The following VSTM4 variants were observed in gnomAD, a reference collection of about 807,000 sequenced individuals.
VSTM4 encodes the protein V-set and transmembrane domain containing 4.
VSTM4 carries 20 observed loss-of-function variants against 36.4 expected under a neutral mutation model. The observed-to-expected ratio is 0.55, with a 90% confidence interval of 0.39 to 0.80. The LOEUF is 0.80. Ranked by LOEUF, VSTM4 falls within the 30% of genes least tolerant of loss-of-function variation. VSTM4 has a pLI of 0.00. For synonymous variants in VSTM4, 182 were observed against 173.9 expected (o/e 1.05, Z -0.37); for missense variants, 392 against 404.5 (o/e 0.97, Z 0.26).
intron 3 of VSTM4, among the ~76,000 whole-genome samples, chr10:49,084,914 T>A (rs1440599976): frequency 6.6e-6 from 1 of 152,232 alleles, no homozygotes; most frequent in East Asian, 1.9e-4. Flanking sequence ...CTATCCTGTG[T>A]ATTGTAGGAT....
intron 7 of VSTM4, among the ~76,000 whole-genome samples, chr10:49,040,385 C>T (rs759561937): frequency 1.3e-5 from 2 of 151,992 alleles, no homozygotes; most frequent in South Asian, 2.1e-4. Flanking sequence ...CGGGTTCAAG[C>T]GATTCTCCTG....
chr10:49,091,302 G>A (rs1590122991), intron 2 of VSTM4, among the ~76,000 whole-genome samples: 1 of 152,160 alleles, frequency 6.6e-6, no homozygotes, highest in Non-Finnish European at 1.5e-5. Context: ...GGCCACTCTG[G>A]GGCCTCCCCA....
intron 3 of VSTM4, among the ~76,000 whole-genome samples, chr10:49,080,604 G>A (rs1055006529): frequency 1.3e-5 from 2 of 152,264 alleles, no homozygotes; most frequent in Non-Finnish European, 2.9e-5. Context: ...TTTAAGGAGA[G>A]AGGGGCAGGT....
At position 49,076,615 on chromosome 10, in the gene VSTM4, A is replaced by G. The variant is rs148023051; in HGVS notation, c.634+604T>C. On this transcript the variant is annotated intron_variant, in intron 4 of 7. Transcript: ENST00000332853. The stretch of plus-strand genomic sequence containing the variant: ...GCTCGGGGAGAAGCAGAGACTCTCG[A>G]GAAATCAGGCAGTGTTCATAGAGAT... Among the ~76,000 whole-genome samples the G allele has an allele frequency of 1.8e-4, 27 of 152,320 alleles. 1 individual carries two copies. Among genetic ancestry groups the G allele is most frequent in the Admixed American group, 1.1e-3 (17 of 15,308 alleles).
At chr10:49,020,727 AGAAG>A (rs1164757548) in intron 7 of VSTM4, among the ~76,000 whole-genome samples, 3,436 of 74,592 alleles carry the variant, frequency 0.046, 206 homozygotes, top group East Asian at 0.12. Flanking sequence ...GAAGGAAAGA[AGAAG>A]GAAGGAAGGA....
intron 4 of VSTM4, 98 bp from the exon 5 acceptor site, chr10:49,064,834 C>T (rs1027441145): frequency 7.4e-7 from 1 of 1,345,722 alleles, no homozygotes; most frequent in Non-Finnish European, 1.0e-6. Flanking sequence ...AGGTGTTGTT[C>T]AGGTATTGGT....
intron 2 of VSTM4, among the ~76,000 whole-genome samples, chr10:49,093,974 C>T (rs1370124646): frequency 6.6e-6 from 1 of 151,998 alleles, no homozygotes. Context: ...GTCTTGATCT[C>T]CTGACCTCGC....
At chr10:49,052,738 A>AT (rs1047431330) in intron 5 of VSTM4, among the ~76,000 whole-genome samples, 4 of 151,736 alleles carry the variant, frequency 2.6e-5, no homozygotes, top group Non-Finnish European at 4.4e-5. Context: ...CTCTTTTTGG[A>AT]TTTTTTTTAA....
At chr10:49,080,337 G>C (rs957058630) in intron 3 of VSTM4, among the ~76,000 whole-genome samples, 5 of 152,200 alleles carry the variant, frequency 3.3e-5, no homozygotes, top group African/African-American at 1.2e-4. Flanking sequence ...GAGAAGAAAG[G>C]GGGCATGAAA....
intron 4 of VSTM4, among the ~76,000 whole-genome samples, chr10:49,070,222 C>T: frequency 2.0e-5 from 1 of 50,598 alleles, no homozygotes; most frequent in East Asian, 4.4e-4. Context: ...CACTGCACTC[C>T]AGCCTGGGCG....
At chr10:49,077,449 G>A in intron 3 of VSTM4, 123 bp from the exon 4 acceptor site, 3 of 837,422 alleles carry the variant, frequency 3.6e-6, no homozygotes, top group South Asian at 3.1e-5. Context: ...AAGGCAGTGT[G>A]GTATTGGTGC....
intron 2 of VSTM4, 99 bp downstream of exon 2, chr10:49,107,495 C>T: frequency 1.4e-6 from 2 of 1,456,708 alleles, no homozygotes; most frequent in East Asian, 4.7e-5. Flanking sequence ...TGTTCTAGTG[C>T]AACACAGCCA....
intron 3 of VSTM4, among the ~76,000 whole-genome samples, chr10:49,078,795 G>A (rs1275825264): frequency 1.3e-5 from 2 of 152,206 alleles, no homozygotes; most frequent in African/African-American, 4.8e-5. Context: ...GAGACATTAG[G>A]TAAAGGAAAC....
At chr10:49,025,185 T>C (rs1843239335) in intron 7 of VSTM4, among the ~76,000 whole-genome samples, 1 of 152,122 alleles carries the variant, frequency 6.6e-6, no homozygotes, top group Non-Finnish European at 1.5e-5. Context: ...TAAAGTCTGT[T>C]GTTTTAAGCT....
In VSTM4 at chr10:49,058,402, C is replaced by T. The variant is rs184327866; in HGVS notation, c.668+6301G>A. ...CAACTGGGGGGATTTCGTTTTCACT[C>T]CGGGTTTCCAGGAATTTTGGAGCAA... On this transcript the variant is annotated intron_variant, in intron 5 of 7. Transcript: ENST00000332853. Among the ~76,000 whole-genome samples, 3 of 152,166 alleles carry T rather than the reference C, an allele frequency of 2.0e-5. No homozygotes were observed. In the East Asian group the frequency reaches 5.8e-4, roughly 29 times the overall value.
rs1355281003 is a variant in VSTM4, at chr10:49,014,558, G to A, written c.*5092C>T. The stretch of plus-strand genomic sequence containing the variant: ...TGCTCTGGGGAAAATACACTCAGCA[G>A]ACCAGACACAGCTCAGCGCCCACGT... On this transcript the variant is annotated 3_prime_UTR_variant, in exon 8 of 8. Transcript: ENST00000332853. 6.6e-6 allele frequency: 1 copy of A among 152,134 alleles called. No homozygotes were observed. Among genetic ancestry groups the A allele is most frequent in the Non-Finnish European group, 1.5e-5 (1 of 68,042 alleles). The allele number at this position is 152,134 out of a possible 1,614,324, so 9.4% of individuals were successfully genotyped here.
In VSTM4 at chr10:49,028,580, T is replaced by A. The variant is rs532333509; in HGVS notation, c.838-8805A>T. On this transcript the variant is annotated intron_variant, in intron 7 of 7. Coordinates refer to ENST00000332853, the MANE Select transcript of VSTM4 (RefSeq NM_001031746.5). ...AAGATAACACACTTTAAGCTCTTAA[T>A]GGATAGTTTCTGAGTATATCATTTT... Among the ~76,000 whole-genome samples, 257 of 152,358 alleles carry A rather than the reference T, an allele frequency of 1.7e-3. 1 individual carries two copies. The highest frequency in any genetic ancestry group is 5.9e-3 in the African/African-American group (246 of 41,580).
chr10:49,025,490 C>A (rs1405928184), intron 7 of VSTM4, among the ~76,000 whole-genome samples: 1 of 152,146 alleles, frequency 6.6e-6, no homozygotes, highest in Non-Finnish European at 1.5e-5. Flanking sequence ...GCACCCTGCC[C>A]CCACACACAC....
intron 2 of VSTM4, among the ~76,000 whole-genome samples, chr10:49,098,423 G>A (rs959648472): frequency 3.3e-5 from 5 of 152,180 alleles, no homozygotes; most frequent in African/African-American, 1.2e-4. Context: ...CATCAGTAAA[G>A]ACTTCACATC....
Sources: allele counts gnomAD v4.1 joint callset (sites outside exome capture counted in the v4.1 genomes callset), GRCh38; gene constraint gnomAD v4.1.1; transcripts MANE v1.5; gene names NCBI Gene and HGNC (gene_info 2026-07-23, HGNC 2026-07-21).